CALD1: variants seen among roughly 807,000 people sequenced by gnomAD.
CALD1 encodes the protein caldesmon 1.
A neutral mutation model predicts 99.9 loss-of-function variants in CALD1; 33 were observed. That is an observed-to-expected ratio of 0.33 (90% CI 0.25 to 0.44). The LOEUF (loss-of-function observed/expected upper bound fraction) is 0.44. Among genes scored for constraint, CALD1 ranks in the 20% least tolerant of loss-of-function variants. The probability of loss-of-function intolerance (pLI) is 1.00; values close to 1 mark genes in which losing one functional copy is unlikely to be tolerated. For synonymous variants in CALD1, 310 were observed against 325.0 expected, an observed-to-expected ratio of 0.95 and a Z score of 0.50; for missense variants, 861 against 962.1, an observed-to-expected ratio of 0.89 and a Z score of 1.39.
At chr7:134,814,848 G>T (rs1237206057) in intron 1 of CALD1, among the ~76,000 whole-genome samples, 2 of 152,124 alleles carry the variant, frequency 1.3e-5, no homozygotes, top group African/African-American at 2.4e-5. Flanking sequence ...CTGGGTATTG[G>T]TCTTGACTGA....
Position 134,929,654 on chromosome 7 carries a change from A to G in CALD1, c.218+754A>G, listed in dbSNP as rs1291081946. 1.1e-3 allele frequency among the ~76,000 whole-genome samples: 115 copies of G among 104,236 alleles called. 4 individuals are homozygous for G. The highest frequency in any genetic ancestry group is 4.2e-3 in the African/African-American group (107 of 25,638). The allele number at this position is 104,236 out of a possible 152,430, so 68.4% of individuals were successfully genotyped here. On this transcript the variant is annotated intron_variant, in intron 4 of 14. Transcript: ENST00000361675. ...TGTGTGTGTGTGTGTGTGTATATATATATATATATATATATACACCACATT... is the reference window on the plus strand; with the variant it reads ...TGTGTGTGTGTGTGTGTGTATATATGTATATATATATATATACACCACATT...
At chr7:134,889,591 T>C (rs1162396973) in intron 3 of CALD1, among the ~76,000 whole-genome samples, 3 of 152,128 alleles carry the variant, frequency 2.0e-5, no homozygotes, top group Admixed American at 2.0e-4. Context: ...TTGTAAGTAA[T>C]TGAAGGGAAA....
intron 1 of CALD1, among the ~76,000 whole-genome samples, chr7:134,799,426 C>T (rs1232346447): frequency 1.3e-5 from 2 of 152,140 alleles, no homozygotes; most frequent in African/African-American, 4.8e-5. Flanking sequence ...GAGCTCACGG[C>T]TTGGGGTGGA....
Position 134,947,629 on chromosome 7 carries a change from G to C in CALD1, c.1654G>C (p.Glu552Gln), listed in dbSNP as rs781087322. The change falls in exon 8 of 15, where the codon GAG becomes CAG. Residue 552 changes from glutamate to glutamine, a missense_variant. Glu to Gln is a conservative substitution (Grantham distance 29). Transcript: ENST00000361675. ...CGGGGAGACCGAGAGCGAAGAGTTC[G>C]AGAAGCTCAAACAGAAGCAGCAGGA... ...RRGETESEEF[E>Q]KLKQKQQEAA... 1.8e-5 allele frequency: 29 copies of C among 1,569,630 alleles called. No individual in the cohort carries two copies. In the South Asian group the frequency reaches 3.4e-4, roughly 18 times the overall value.
At chr7:134,730,320 C>T in the CALD1 span, among the ~76,000 whole-genome samples, 22 of 151,706 alleles carry the variant, frequency 1.5e-4, no homozygotes, top group East Asian at 3.9e-4. Context: ...TAAAGAGAAC[C>T]GAAAGAAACA....
intron 3 of CALD1, among the ~76,000 whole-genome samples, chr7:134,895,944 G>A (rs1298027811): frequency 1.3e-5 from 2 of 151,974 alleles, no homozygotes; most frequent in Non-Finnish European, 2.9e-5. Context: ...GCTCTGTCCT[G>A]TCTCATCCTG....
chr7:134,960,231 T>C (rs1228768928), intron 12 of CALD1, 120 bp downstream of exon 12: 2 of 1,173,704 alleles, frequency 1.7e-6, no homozygotes, highest in South Asian at 1.4e-5. Context: ...ATTTGTACTT[T>C]GTTTTGCAAT....
At chr7:134,951,734 G>A (rs1314851654) in intron 9 of CALD1, among the ~76,000 whole-genome samples, 1 of 152,202 alleles carries the variant, frequency 6.6e-6, no homozygotes, top group Non-Finnish European at 1.5e-5. Flanking sequence ...TGATAGAATA[G>A]TTGAGATGTA....
At chr7:134,960,486 A>G in intron 12 of CALD1, 47 bp from the exon 13 acceptor site, 1 of 1,118,722 alleles carries the variant, frequency 8.9e-7, no homozygotes, top group Non-Finnish European at 1.4e-6. Context: ...CTTCCCAGGT[A>G]AAGTTTACTT....
intron 1 of CALD1, among the ~76,000 whole-genome samples, chr7:134,838,129 T>G (rs1238015443): frequency 6.6e-6 from 1 of 152,152 alleles, no homozygotes; most frequent in Non-Finnish European, 1.5e-5. Flanking sequence ...GTAGCTAAAT[T>G]CCTAACATAT....
chr7:134,864,624 T>C (rs1283470528), intron 2 of CALD1, among the ~76,000 whole-genome samples: 1 of 152,142 alleles, frequency 6.6e-6, no homozygotes, highest in Non-Finnish European at 1.5e-5. Flanking sequence ...GGTCTCGAAC[T>C]CCTGACCTCA....
intron 1 of CALD1, among the ~76,000 whole-genome samples, chr7:134,750,859 A>T (rs1225516788): frequency 6.6e-6 from 1 of 152,018 alleles, no homozygotes; most frequent in African/African-American, 2.4e-5. Flanking sequence ...TCTCTGACTC[A>T]CTTCTCCACA....
chr7:134,954,462 A>C (rs1807612737), intron 9 of CALD1, among the ~76,000 whole-genome samples: 1 of 152,196 alleles, frequency 6.6e-6, no homozygotes, highest in Non-Finnish European at 1.5e-5. Flanking sequence ...TAATATACAA[A>C]TTCAGTACAA....
At chr7:134,805,908 G>A (rs1042893525) in intron 1 of CALD1, among the ~76,000 whole-genome samples, 6 of 152,004 alleles carry the variant, frequency 3.9e-5, no homozygotes, top group Non-Finnish European at 5.9e-5. Flanking sequence ...CTATAGACAC[G>A]TGCCACCACA....
At chr7:134,768,760 A>T (rs1796848708) in intron 1 of CALD1, among the ~76,000 whole-genome samples, 1 of 152,030 alleles carries the variant, frequency 6.6e-6, no homozygotes, top group African/African-American at 2.4e-5. Flanking sequence ...AACAGATGTA[A>T]TTTTTTTTCA....
At chr7:134,949,291 C>T (rs1051259124) in intron 8 of CALD1, among the ~76,000 whole-genome samples, 5 of 152,242 alleles carry the variant, frequency 3.3e-5, no homozygotes, top group Non-Finnish European at 5.9e-5. Flanking sequence ...CTGTGACATC[C>T]TCTGACAGAT....
the CALD1 span, among the ~76,000 whole-genome samples, chr7:134,733,506 G>T: frequency 6.6e-6 from 1 of 152,108 alleles, no homozygotes; most frequent in Non-Finnish European, 1.5e-5. Context: ...ACCCATATTG[G>T]GTGTTTAAAA....
intron 3 of CALD1, among the ~76,000 whole-genome samples, chr7:134,875,355 A>G (rs1009290589): frequency 6.6e-6 from 1 of 152,218 alleles, no homozygotes; most frequent in Non-Finnish European, 1.5e-5. Context: ...AAGATCTGTC[A>G]CTGGGCGCGG....
rs553940226 is a variant in CALD1 at position 134,767,211 on chromosome 7, G to T, written c.-130+22848G>T. 2.0e-5 allele frequency among the ~76,000 whole-genome samples: 3 copies of T among 150,946 alleles called. No homozygotes were observed. The East Asian group carries it at 5.8e-4, about 29-fold the overall frequency. ...TCTCTGTCTCTGTGTGTGTGTGTGT[G>T]TGTGTGTGTGTGTGCGTGTGTGACA... On this transcript the variant is annotated intron_variant, in intron 1 of 13. Transcript: ENST00000417172.
Sources: allele counts gnomAD v4.1 joint callset (sites outside exome capture counted in the v4.1 genomes callset), GRCh38; gene constraint gnomAD v4.1.1; transcripts MANE v1.5; gene names NCBI Gene and HGNC (gene_info 2026-07-23, HGNC 2026-07-21).